OSTC: variants seen among roughly 807,000 people sequenced by gnomAD.
OSTC encodes oligosaccharyltransferase complex subunit OSTC.
A neutral mutation model predicts 16.4 loss-of-function variants in OSTC; 16 were observed. That is an observed-to-expected ratio of 0.98 (90% confidence interval 0.66 to 1.49). The LOEUF (loss-of-function observed/expected upper bound fraction) is 1.49, where lower values mean the gene tolerates loss of function less well. OSTC is among the 40% of genes most tolerant of loss of function. OSTC has a pLI of 0.00. For missense variants in OSTC, 139 were observed against 186.3 expected (o/e 0.75, Z 1.48); for synonymous variants, 67 against 68.5 (o/e 0.98, Z 0.11).
chr4:108,663,967 A>AT lies in OSTC; in HGVS notation c.432-3279dup, dbSNP rs1289645454. Among the ~76,000 whole-genome samples, 5 of 152,212 alleles carry AT rather than the reference A, an allele frequency of 3.3e-5. 1 individual carries two copies. Among genetic ancestry groups the AT allele is most frequent in the South Asian group, 4.1e-4 (2 of 4,838 alleles). On this transcript the variant is annotated intron_variant, in intron 3 of 3. Coordinates refer to ENST00000361564, the MANE Select transcript of OSTC (RefSeq NM_021227.4). ...ATGTAAAATTCTCACAGGCCTGAAT[A>AT]TAAGATTATGAAATTTTCTGGGTCA...
At chr4:108,659,709 C>T (rs1726804022) in intron 3 of OSTC, among the ~76,000 whole-genome samples, 1 of 152,052 alleles carries the variant, frequency 6.6e-6, no homozygotes, top group African/African-American at 2.4e-5. Context: ...GCAGAGCTTG[C>T]AGTGAGCCAA....
At chr4:108,651,427 T>C (rs1040934373) in intron 1 of OSTC, 24 of 152,406 alleles carry the variant, frequency 1.6e-4, no homozygotes, top group African/African-American at 5.5e-4. Flanking sequence ...TGTATTTCAG[T>C]GGGCAGAAGT....
At chr4:108,650,959 G>A (rs548960097) in intron 1 of OSTC, 165 bp downstream of exon 1, 2 of 962,660 alleles carry the variant, frequency 2.1e-6, no homozygotes, top group East Asian at 5.3e-5. Context: ...TAACGTCCAA[G>A]TTTATTCGCC....
intron 3 of OSTC, among the ~76,000 whole-genome samples, chr4:108,657,970 G>A (rs1197778015): frequency 9.9e-6 from 1 of 100,528 alleles, no homozygotes; most frequent in Non-Finnish European, 1.8e-5. Flanking sequence ...CGCTCTTGTT[G>A]CCCAGGCTGG....
intron 2 of OSTC, among the ~76,000 whole-genome samples, chr4:108,657,104 G>A (rs995539618): frequency 1.8e-4 from 28 of 151,788 alleles, no homozygotes; most frequent in African/African-American, 6.0e-4. Flanking sequence ...TGGGTAAAGC[G>A]TTCGTATACA....
At chr4:108,652,859 G>C (rs190239230) in intron 1 of OSTC, among the ~76,000 whole-genome samples, 5 of 152,048 alleles carry the variant, frequency 3.3e-5, no homozygotes, top group Admixed American at 3.3e-4. Flanking sequence ...GCAACATGGC[G>C]AAACCCTGTC....
chr4:108,651,784 G>A (rs1726557528), intron 1 of OSTC, among the ~76,000 whole-genome samples: 1 of 152,158 alleles, frequency 6.6e-6, no homozygotes, highest in South Asian at 2.1e-4. Flanking sequence ...TTTTAAGGGA[G>A]TGGCCATATA....
chr4:108,667,300 T>G lies in OSTC; in HGVS notation c.*35T>G. ...GAGAAGAAATCAGTGGATACTGGAT[T>G]TGCTCCTGTCAATGAAGTTTTAAAG... On this transcript the variant is annotated 3_prime_UTR_variant, in exon 4 of 4. Transcript: ENST00000361564. 2 of 1,592,180 alleles carry G rather than the reference T, an allele frequency of 1.3e-6. No homozygotes were observed. The highest frequency in any genetic ancestry group is 1.7e-6 in the Non-Finnish European group (2 of 1,163,998).
chr4:108,654,210 A>C (rs1726636794), intron 1 of OSTC, among the ~76,000 whole-genome samples: 2 of 152,238 alleles, frequency 1.3e-5, no homozygotes, highest in Non-Finnish European at 2.9e-5. Context: ...GAGCAGTATC[A>C]ATGGTTGCAG....
In OSTC at chr4:108,650,789, C is replaced by A. The variant is rs1183493898; in HGVS notation, c.134C>A (p.Thr45Asn). 6.2e-7 allele frequency: 1 copy of A among 1,614,104 alleles called. No homozygotes were observed. The highest frequency in any genetic ancestry group is 1.3e-5 in the African/African-American group (1 of 74,954). ...GTGGTGGTGTCTTACTTCCTCATCA[C>A]CGGAGGTAACTCGGGCTGTCGGGCC... The part of the protein sequence containing the change: ...ALVVVSYFLI[T>N]GGIIYDVIVE... The change falls in exon 1 of 4, where the codon ACC (threonine) becomes AAC (asparagine). Residue 45 changes from threonine to asparagine, a missense_variant. Transcript: ENST00000361564.
At chr4:108,660,261 A>G (rs6818080) in intron 3 of OSTC, among the ~76,000 whole-genome samples, 123,754 of 152,164 alleles carry the variant, frequency 0.81, 50,659 homozygotes, top group East Asian at 1. Context: ...GAAAATTGCT[A>G]TTTTCTGTAT....
intron 3 of OSTC, among the ~76,000 whole-genome samples, chr4:108,659,614 A>G (rs949492054): frequency 6.6e-6 from 1 of 152,014 alleles, no homozygotes; most frequent in African/African-American, 2.4e-5. Flanking sequence ...CTAAAAATAC[A>G]AAAAATGAGC....
chr4:108,656,970 G>A lies in OSTC; in HGVS notation c.234-480G>A, dbSNP rs183832583. Among the ~76,000 whole-genome samples the A allele has an allele frequency of 2.9e-3, 433 of 151,898 alleles. 1 individual carries two copies. The highest frequency in any genetic ancestry group is 5.1e-3 in the Non-Finnish European group (346 of 67,942). On this transcript the variant is annotated intron_variant, in intron 2 of 3. Coordinates refer to ENST00000361564, the MANE Select transcript of OSTC (RefSeq NM_021227.4). ...AAAAATTAGCCAGGCGTGGTGGCAC[G>A]CGCCTGTAGTCCCAGCGATCTGGGA...
In OSTC at chr4:108,657,481, G is replaced by C; in HGVS notation, c.265G>C (p.Ala89Pro). Residue 89 changes from alanine (A) to proline (P), a missense_variant, in exon 3 of 4, where the codon GCA becomes CCA. Transcript: ENST00000361564. ...VNGQYIMEGLASSFLFTMGGL... is the reference protein window; with the variant it reads ...VNGQYIMEGLPSSFLFTMGGL... Reference sequence around the variant, plus strand: ...TGGACAATATATTATGGAAGGACTTGCATCCAGCTTCCTATTTACAATGGG... The same window carrying C: ...TGGACAATATATTATGGAAGGACTTCCATCCAGCTTCCTATTTACAATGGG... 2 of 1,613,358 alleles carry C rather than the reference G, an allele frequency of 1.2e-6. No homozygotes were observed. The highest frequency in any genetic ancestry group is 1.7e-6 in the Non-Finnish European group (2 of 1,179,462).
At chr4:108,665,012 C>T (rs1307193988) in intron 3 of OSTC, among the ~76,000 whole-genome samples, 1 of 151,968 alleles carries the variant, frequency 6.6e-6, no homozygotes, top group Non-Finnish European at 1.5e-5. Context: ...GTGGATTGGC[C>T]AGGCTGATAC....
At chr4:108,664,735 A>T (rs1354703654) in intron 3 of OSTC, among the ~76,000 whole-genome samples, 1 of 151,866 alleles carries the variant, frequency 6.6e-6, no homozygotes, top group Non-Finnish European at 1.5e-5. Context: ...CTGGGACTAC[A>T]GGCATGCACT....
chr4:108,655,088 A>G (rs1469162692), intron 1 of OSTC, among the ~76,000 whole-genome samples: 2 of 152,236 alleles, frequency 1.3e-5, no homozygotes, highest in African/African-American at 4.8e-5. Flanking sequence ...ATTGAGTTGA[A>G]TGTCTGAATG....
intron 1 of OSTC, among the ~76,000 whole-genome samples, chr4:108,653,900 T>C (rs1231588324): frequency 2.0e-5 from 3 of 152,168 alleles, no homozygotes; most frequent in Admixed American, 1.3e-4. Flanking sequence ...CACATCACAT[T>C]GAGAGTCTTT....
intron 3 of OSTC, among the ~76,000 whole-genome samples, chr4:108,658,210 G>A (rs894025312): frequency 6.6e-6 from 1 of 152,042 alleles, no homozygotes; most frequent in African/African-American, 2.4e-5. Context: ...GGGATTATAG[G>A]CATGAGCTAC....
Sources: allele counts gnomAD v4.1 joint callset (sites outside exome capture counted in the v4.1 genomes callset), GRCh38; gene constraint gnomAD v4.1.1; transcripts MANE v1.5; gene names NCBI Gene and HGNC (gene_info 2026-07-23, HGNC 2026-07-21).